Variants in STX16 observed in about 807,000 individuals in gnomAD.
STX16 encodes the protein syntaxin 16.
In STX16, 28 loss-of-function variants were observed where a neutral mutation model predicts 42.7. That is an observed-to-expected ratio of 0.66 (90% confidence interval 0.49 to 0.90). STX16 has a LOEUF of 0.90. Ranked by LOEUF, STX16 falls within the 40% of genes least tolerant of loss-of-function variation. STX16 has a pLI of 0.00. For missense variants in STX16, 361 were observed against 420.9 expected (o/e 0.86, Z 1.24); for synonymous variants, 156 against 155.2 (o/e 1.00, Z -0.04).
In STX16 at chr20:58,669,330, A is replaced by G. The variant is rs776149162; in HGVS notation, c.433A>G (p.Ser145Gly). 1.9e-6 allele frequency: 3 copies of G among 1,611,670 alleles called. No homozygotes were observed. The South Asian group carries it at 3.3e-5, about 18-fold the overall frequency. Residue 145 changes from serine (S) to glycine (G), a missense_variant, in exon 5 of 9, where the codon AGC (serine) becomes GGC (glycine). Ser to Gly is a moderately conservative substitution (Grantham distance 56). Transcript: ENST00000371141. ...RCQRAVQALP[S>G]RARACSEQEG... ...CCAGCGTGCCGTGCAGGCCCTGCCG[A>G]GCCGGGCCCGGGCCTGCTCCGAGCA...
Position 58,676,267 on chromosome 20 carries a change from C to T in STX16, c.954C>T (p.Val318=), listed in dbSNP as rs2084121433. 5.0e-6 allele frequency: 8 copies of T among 1,614,074 alleles called. No homozygotes were observed. The African/African-American group carries it at 9.3e-5, about 19-fold the overall frequency. ...LFVIIIVLIV[V]LVGVKSR is the part of the protein sequence containing the mutation. The stretch of plus-strand genomic sequence containing the variant: ...TCATCATCATTGTGCTCATTGTTGT[C>T]CTCGTTGGCGTGAAGTCTCGATAAG... Residue 318 remains valine (V), a synonymous_variant, in exon 9 of 9, where the codon GTC becomes GTT. Transcript: ENST00000371141.
chr20:58,661,856 G>A (rs2083708528), intron 2 of STX16, among the ~76,000 whole-genome samples: 1 of 152,190 alleles, frequency 6.6e-6, no homozygotes, highest in Non-Finnish European at 1.5e-5. Context: ...CCTTTATAGG[G>A]GAGGCCTGAG....
rs764569973 is a variant in STX16 at position 58,673,718 on chromosome 20, T to C, written c.873+7T>C. The stretch of plus-strand genomic sequence containing the variant: ...TTTGAAACAGCTTCACAAGGTAATA[T>C]GTCTTTCAAGACTTGGGAATCTTAG... On this transcript the variant is annotated splice_region_variant and intron_variant, in intron 8 of 8. Transcript: ENST00000371141. The C allele has an allele frequency of 1.9e-6, 3 of 1,599,540 alleles. No individual in the cohort carries two copies. Among genetic ancestry groups the C allele is most frequent in the Admixed American group, 3.3e-5 (2 of 59,898 alleles).
At chr20:58,662,666 A>C (rs548668283) in intron 2 of STX16, among the ~76,000 whole-genome samples, 6 of 152,214 alleles carry the variant, frequency 3.9e-5, no homozygotes, top group Non-Finnish European at 7.4e-5. Context: ...GCGTGCCACC[A>C]TGCGTGGCTA....
At chr20:58,658,064 C>A (rs2122917614) in intron 1 of STX16, among the ~76,000 whole-genome samples, 1 of 152,314 alleles carries the variant, frequency 6.6e-6, no homozygotes, top group East Asian at 1.9e-4. Context: ...TCTGATTTCA[C>A]CTCTTATCAA....
intron 4 of STX16, among the ~76,000 whole-genome samples, chr20:58,668,976 C>A (rs1220913922): frequency 6.6e-6 from 1 of 152,054 alleles, no homozygotes; most frequent in Non-Finnish European, 1.5e-5. Flanking sequence ...GCAAATATTC[C>A]AAAATCTCCC....
chr20:58,652,698 A>C (rs1214904132), intron 1 of STX16, among the ~76,000 whole-genome samples: 1 of 151,898 alleles, frequency 6.6e-6, no homozygotes, highest in East Asian at 1.9e-4. Flanking sequence ...GTTCCCTGTG[A>C]ATAATTGCCT....
At chr20:58,670,654 G>A in intron 6 of STX16, 51 bp downstream of exon 6, 1 of 1,472,420 alleles carries the variant, frequency 6.8e-7, no homozygotes, top group Non-Finnish European at 9.5e-7. Flanking sequence ...ACCCCATTCT[G>A]CATCTTTCAC....
At chr20:58,675,095 G>A (rs946712744) in intron 8 of STX16, among the ~76,000 whole-genome samples, 1 of 152,082 alleles carries the variant, frequency 6.6e-6, no homozygotes, top group Non-Finnish European at 1.5e-5. Flanking sequence ...TAGGCAGCAC[G>A]CGCGTGCTCG....
chr20:58,667,440 T>A (rs778394415), intron 2 of STX16, 50 bp from the exon 3 acceptor site: 1 of 1,435,138 alleles, frequency 7.0e-7, no homozygotes, highest in Non-Finnish European at 9.8e-7. Context: ...AGTATTTGTA[T>A]CTAAATTGGA....
rs115623741 is a variant in STX16 at position 58,652,250 on chromosome 20, A to C, written c.132+112A>C. The C allele has an allele frequency of 4.0e-3, 5,748 of 1,436,126 alleles. 190 individuals carry two copies. The African/African-American group carries it at 0.074, about 18-fold the overall frequency. The allele number at this position is 1,436,126 out of a possible 1,614,324, so 89.0% of individuals were successfully genotyped here. ...AAAAAGAGAAGATAAGAATAATAAG[A>C]CTAAGAATAATAAGATCTCTTGGCT... On this transcript the variant is annotated intron_variant, in intron 1 of 8. Coordinates refer to ENST00000371141, the MANE Select transcript of STX16 (RefSeq NM_001001433.3).
chr20:58,670,418 G>A, intron 5 of STX16, 94 bp from the exon 6 acceptor site: 1 of 975,892 alleles, frequency 1.0e-6, no homozygotes, highest in South Asian at 1.4e-5. Context: ...AATTTTGACT[G>A]TTGGAGTTTA....
intron 2 of STX16, among the ~76,000 whole-genome samples, chr20:58,661,450 A>C (rs1385315547): frequency 1.3e-5 from 2 of 152,252 alleles, no homozygotes; most frequent in African/African-American, 2.4e-5. Flanking sequence ...CGTAGAGAGC[A>C]CTATCTCCTC....
At chr20:58,672,159 C>A (rs2083993427) in intron 7 of STX16, among the ~76,000 whole-genome samples, 1 of 151,894 alleles carries the variant, frequency 6.6e-6, no homozygotes, top group South Asian at 2.1e-4. Flanking sequence ...ATGGTGAAAC[C>A]CCGTCTCTGC....
chr20:58,669,234 G>T, intron 4 of STX16, 57 bp from the exon 5 acceptor site: 1 of 1,583,324 alleles, frequency 6.3e-7, no homozygotes. Context: ...ATGTGGCAGT[G>T]TTAGCAGAGG....
Position 58,679,081 on chromosome 20 carries a change from A to T in STX16, c.*2790A>T, listed in dbSNP as rs1340254880. ...AGTGGAGGTAGAAGGAGAAACAGACATGTTTACCACGCGTTTTCCAAAGCT... is the reference window on the plus strand; with the variant it reads ...AGTGGAGGTAGAAGGAGAAACAGACTTGTTTACCACGCGTTTTCCAAAGCT... On this transcript the variant is annotated 3_prime_UTR_variant, in exon 9 of 9. Transcript: ENST00000371141. 6.6e-6 allele frequency: 1 copy of T among 152,212 alleles called. No individual in the cohort carries two copies. Among genetic ancestry groups the T allele is most frequent in the East Asian group, 1.9e-4 (1 of 5,202 alleles). 9.4% of individuals were successfully genotyped at this position (152,212 alleles called of 1,614,324 possible).
intron 8 of STX16, among the ~76,000 whole-genome samples, chr20:58,675,482 G>GGAGT (rs1206157700): frequency 1.3e-5 from 2 of 152,224 alleles, no homozygotes; most frequent in Admixed American, 6.5e-5. Flanking sequence ...CAGGCATGAT[G>GGAGT]GAGTTCCCGC....
At position 58,678,988 on chromosome 20, in the gene STX16, C is replaced by T. The variant is rs2084206692; in HGVS notation, c.*2697C>T. ...GGAGGCCTAGCAGGGCAGGCTCCCT[C>T]TGGGCATCCCTGGATGCAGCCTCTG... On this transcript the variant is annotated 3_prime_UTR_variant, in exon 9 of 9. Coordinates refer to ENST00000371141, the MANE Select transcript of STX16 (RefSeq NM_001001433.3). 6.6e-6 allele frequency: 1 copy of T among 152,272 alleles called. No homozygotes were observed. The highest frequency in any genetic ancestry group is 2.4e-5 in the African/African-American group (1 of 41,462). The allele number at this position is 152,272 out of a possible 1,614,324, so 9.4% of individuals were successfully genotyped here. A position where few individuals can be genotyped will look rare whatever the true frequency, so the allele number is the denominator to read the frequency against.
In STX16 at chr20:58,651,969, C is replaced by CG. The variant is rs2083466450; in HGVS notation, c.-32dup. 3 of 1,607,146 alleles carry CG rather than the reference C, an allele frequency of 1.9e-6. No individual in the cohort carries two copies. Among genetic ancestry groups the CG allele is most frequent in the East Asian group, 2.2e-5 (1 of 44,780 alleles). ...TGAATAAATCAGGAATATAAGTGGG[C>CG]GGGGGGCCCCTGAGAGGGGGGTCGC... is the stretch of plus-strand genomic sequence containing the variant. On this transcript the variant is annotated 5_prime_UTR_variant, in exon 1 of 9. Coordinates refer to ENST00000371141, the MANE Select transcript of STX16 (RefSeq NM_001001433.3).
Sources: allele counts gnomAD v4.1 joint callset (sites outside exome capture counted in the v4.1 genomes callset), GRCh38; gene constraint gnomAD v4.1.1; transcripts MANE v1.5; gene names NCBI Gene and HGNC (gene_info 2026-07-23, HGNC 2026-07-21).